The following RBFOX1 variants were observed in gnomAD, a reference collection of about 807,000 sequenced individuals.
RBFOX1 encodes the protein RNA binding protein fox-1 homolog 1.
RBFOX1 carries 8 observed loss-of-function variants against 57.7 expected under a neutral mutation model. The ratio of observed to expected loss-of-function variants is 0.14; its 90% CI spans 0.08 to 0.25. The LOEUF (loss-of-function observed/expected upper bound fraction) is 0.25. Ranked by LOEUF, RBFOX1 falls within the 10% of genes least tolerant of loss-of-function variation. The pLI is 1.00. For missense variants in RBFOX1, 611 were observed against 548.5 expected, an observed-to-expected ratio of 1.11 and a Z score of -1.14; for synonymous variants, 326 against 222.4, an observed-to-expected ratio of 1.47 and a Z score of -4.15.
At chr16:6,682,432 A>G (rs2286968) in intron 3 of RBFOX1, among the ~76,000 whole-genome samples, 22,847 of 152,162 alleles carry the variant, frequency 0.15, 1,872 homozygotes, top group African/African-American at 0.21. Context: ...GTTTCATTTT[A>G]TGGAAAAGGA....
chr16:6,511,979 T>A (rs1439093153), intron 2 of RBFOX1, among the ~76,000 whole-genome samples: 2 of 151,968 alleles, frequency 1.3e-5, no homozygotes, highest in African/African-American at 4.8e-5. Flanking sequence ...CCTACAGGGA[T>A]AAGAGAACAA....
chr16:5,443,934 C>A (rs1335380030), intron 1 of RBFOX1, among the ~76,000 whole-genome samples: 11 of 152,088 alleles, frequency 7.2e-5, no homozygotes. Flanking sequence ...AGGAGCTAAG[C>A]AGTATGAGAG....
At chr16:7,395,301 G>C (rs1298087660) in intron 4 of RBFOX1, among the ~76,000 whole-genome samples, 1 of 152,208 alleles carries the variant, frequency 6.6e-6, no homozygotes, top group East Asian at 1.9e-4. Flanking sequence ...AGATAGAAGG[G>C]AGAATGCAGA....
intron 3 of RBFOX1, among the ~76,000 whole-genome samples, chr16:6,752,614 C>G (rs1603543501): frequency 6.6e-6 from 1 of 152,188 alleles, no homozygotes; most frequent in South Asian, 2.1e-4. Flanking sequence ...TTTATTATGG[C>G]ATCTTGCCAT....
chr16:7,452,373 C>T (rs1342071020), intron 4 of RBFOX1, among the ~76,000 whole-genome samples: 1 of 152,194 alleles, frequency 6.6e-6, no homozygotes, highest in Non-Finnish European at 1.5e-5. Context: ...TAGAACAACA[C>T]ACGGTGCCTG....
chr16:5,867,644 T>C (rs2057375182), intron 4 of RBFOX1, among the ~76,000 whole-genome samples: 1 of 152,198 alleles, frequency 6.6e-6, no homozygotes. Context: ...AGACCTCCAC[T>C]GTCTGTATTA....
intron 1 of RBFOX1, among the ~76,000 whole-genome samples, chr16:6,115,165 G>T (rs1025250427): frequency 1.3e-5 from 2 of 152,124 alleles, no homozygotes; most frequent in East Asian, 3.9e-4. Context: ...CCATTTACTA[G>T]TTCCTGCCAT....
intron 5 of RBFOX1, among the ~76,000 whole-genome samples, chr16:7,528,415 G>A (rs17143968): frequency 0.16 from 23,714 of 152,166 alleles, 2,365 homozygotes; most frequent in East Asian, 0.35. Context: ...AAGGACTGAT[G>A]TAAGTGTTTG....
intron 4 of RBFOX1, among the ~76,000 whole-genome samples, chr16:7,080,605 T>C (rs951375678): frequency 3.9e-5 from 6 of 152,176 alleles, no homozygotes; most frequent in African/African-American, 1.4e-4. Context: ...GTATCCTTTT[T>C]TCATGGTCCA....
intron 3 of RBFOX1, among the ~76,000 whole-genome samples, chr16:6,725,609 G>A (rs2067008111): frequency 1.3e-5 from 2 of 152,090 alleles, no homozygotes; most frequent in Non-Finnish European, 2.9e-5. Context: ...ATCAGCTCTT[G>A]GGGCTGCTAT....
intron 2 of RBFOX1, among the ~76,000 whole-genome samples, chr16:6,548,032 G>T (rs1037929602): frequency 2.0e-5 from 3 of 152,124 alleles, no homozygotes; most frequent in African/African-American, 7.2e-5. Context: ...TTATTGACAA[G>T]CTCAGACTAT....
At chr16:7,174,494 A>G (rs918203389) in intron 4 of RBFOX1, among the ~76,000 whole-genome samples, 5 of 152,166 alleles carry the variant, frequency 3.3e-5, no homozygotes, top group Non-Finnish European at 2.9e-5. Flanking sequence ...AGAAACCACT[A>G]AACTGGCTGG....
intron 4 of RBFOX1, among the ~76,000 whole-genome samples, chr16:7,144,956 C>A (rs1235458931): frequency 2.0e-5 from 3 of 152,084 alleles, no homozygotes; most frequent in Non-Finnish European, 2.9e-5. Context: ...CTCTCCCCCT[C>A]CCCCAGTGGA....
At chr16:5,574,791 A>T (rs2046399857) in intron 2 of RBFOX1, among the ~76,000 whole-genome samples, 1 of 152,162 alleles carries the variant, frequency 6.6e-6, no homozygotes, top group African/African-American at 2.4e-5. Flanking sequence ...CTGGGGGCTT[A>T]CAGTGAACTC....
At chr16:7,693,404 A>T in intron 14 of RBFOX1, 2 of 1,415,710 alleles carry the variant, frequency 1.4e-6, no homozygotes, top group Non-Finnish European at 2.0e-6. Flanking sequence ...CATCCATCCA[A>T]GTCTCAGTAT....
intron 3 of RBFOX1, among the ~76,000 whole-genome samples, chr16:6,893,958 C>T (rs771799961): frequency 1.3e-5 from 2 of 152,086 alleles, no homozygotes; most frequent in African/African-American, 4.8e-5. Flanking sequence ...GATAATTAAC[C>T]AAGTGCTATG....
intron 4 of RBFOX1, among the ~76,000 whole-genome samples, chr16:7,343,946 T>C (rs936158587): frequency 6.6e-6 from 1 of 152,096 alleles, no homozygotes. Context: ...ACAAGTTTAT[T>C]TCCAAGCGTA....
At chr16:7,089,343 T>G (rs1225198941) in intron 4 of RBFOX1, among the ~76,000 whole-genome samples, 1 of 152,172 alleles carries the variant, frequency 6.6e-6, no homozygotes, top group East Asian at 1.9e-4. Flanking sequence ...TAACATTTAT[T>G]TTTGACAGTG....
intron 3 of RBFOX1, among the ~76,000 whole-genome samples, chr16:6,688,768 C>T (rs932046450): frequency 5.9e-5 from 9 of 152,250 alleles, no homozygotes; most frequent in African/African-American, 2.2e-4. Flanking sequence ...AGGTATTTCT[C>T]CTAATGCCAT....
Sources: gnomAD v4.1 joint callset for allele counts (sites outside exome capture counted in the v4.1 genomes callset) on GRCh38, gnomAD v4.1.1 for gene constraint, MANE v1.5 for transcripts, NCBI Gene and HGNC (gene_info 2026-07-23, HGNC 2026-07-21) for gene names.